Variants in GLDC observed in about 807,000 individuals in gnomAD.
The protein encoded by GLDC is glycine decarboxylase.
Under a neutral mutation model 121.3 loss-of-function variants are expected in GLDC, and 104 were observed. The observed-to-expected ratio is 0.86, with a 90% CI of 0.73 to 1.01. GLDC has a LOEUF of 1.01. GLDC is among the 50% of genes least tolerant of loss of function. The pLI is 0.00. For synonymous variants in GLDC, 546 were observed against 480.6 expected (o/e 1.14, Z -1.78); for missense variants, 1,429 against 1,306.6 (o/e 1.09, Z -1.44).
chr9:6,612,068 T>G (rs538354759), intron 3 of GLDC, among the ~76,000 whole-genome samples: 1 of 152,228 alleles, frequency 6.6e-6, no homozygotes, highest in South Asian at 2.1e-4. Flanking sequence ...CTACACCATG[T>G]ATTGTGTGCC....
At chr9:6,600,012 G>A (rs942624714) in intron 8 of GLDC, among the ~76,000 whole-genome samples, 1 of 152,146 alleles carries the variant, frequency 6.6e-6, no homozygotes, top group African/African-American at 2.4e-5. Flanking sequence ...TGAGACGAAA[G>A]AGCACTCTAC....
At chr9:6,642,335 G>C (rs1819645973) in intron 2 of GLDC, among the ~76,000 whole-genome samples, 1 of 152,088 alleles carries the variant, frequency 6.6e-6, no homozygotes, top group African/African-American at 2.4e-5. Flanking sequence ...TTCAAGACCA[G>C]CCTGGCCAAC....
At chr9:6,640,419 G>A (rs1319777335) in intron 2 of GLDC, among the ~76,000 whole-genome samples, 1 of 152,258 alleles carries the variant, frequency 6.6e-6, no homozygotes, top group African/African-American at 2.4e-5. Flanking sequence ...CCACGGCCTA[G>A]TTGCCCCTGG....
At chr9:6,592,718 C>CGTTA (rs1375425399) in intron 10 of GLDC, 133 bp downstream of exon 10, 5 of 792,428 alleles carry the variant, frequency 6.3e-6, no homozygotes, top group Non-Finnish European at 1.0e-5. Flanking sequence ...ATGTAAATAA[C>CGTTA]ACTTGTTTAT....
intron 4 of GLDC, among the ~76,000 whole-genome samples, chr9:6,608,525 G>C (rs1285073545): frequency 6.7e-6 from 1 of 149,944 alleles, no homozygotes; most frequent in East Asian, 2.0e-4. Context: ...CGGATCATGA[G>C]GTCAGGAGAT....
chr9:6,644,286 C>G (rs895576825), intron 2 of GLDC, among the ~76,000 whole-genome samples: 2 of 151,842 alleles, frequency 1.3e-5, no homozygotes, highest in African/African-American at 4.8e-5. Flanking sequence ...TGACACCTCT[C>G]AACCCAAAGT....
At chr9:6,565,865 T>C (rs757405724) in intron 15 of GLDC, 8 of 306,674 alleles carry the variant, frequency 2.6e-5, no homozygotes, top group Middle Eastern at 1.0e-3. Context: ...TGCTGAACTA[T>C]ATATTTTGAA....
chr9:6,614,589 A>G (rs1563862163), intron 3 of GLDC, among the ~76,000 whole-genome samples: 1 of 144,712 alleles, frequency 6.9e-6, no homozygotes, highest in East Asian at 2.0e-4. Flanking sequence ...GGGTTTCACT[A>G]TGTTGTCCAG....
chr9:6,575,020 AGAGAGTT>A (rs372289100), intron 15 of GLDC, among the ~76,000 whole-genome samples: 237 of 152,246 alleles, frequency 1.6e-3, no homozygotes, highest in African/African-American at 5.2e-3. Flanking sequence ...CATTAGAATT[AGAGAGTT>A]TTTTGCTTAA....
Position 6,565,934 on chromosome 9 carries a change from G to A in GLDC, c.1851-505C>T, listed in dbSNP as rs1219791436. ...GTCAATATGCAGCCTTCAAAGATAA[G>A]TATTGTTTTTAAAAATATAACTACA... On this transcript the variant is annotated intron_variant, in intron 15 of 24. Coordinates refer to ENST00000321612, the MANE Select transcript of GLDC (RefSeq NM_000170.3). The A allele has an allele frequency of 2.9e-5, 6 of 208,830 alleles. No individual in the cohort carries two copies. In the Admixed American group the frequency reaches 3.2e-4, roughly 11 times the overall value. 12.9% of individuals were successfully genotyped at this position (208,830 alleles called of 1,614,324 possible).
chr9:6,620,570 C>G (rs184906131), intron 2 of GLDC, among the ~76,000 whole-genome samples: 79 of 151,636 alleles, frequency 5.2e-4, no homozygotes, highest in African/African-American at 1.8e-3. Context: ...TTATTCGGTT[C>G]TGTTTGCTAG....
chr9:6,613,811 C>G (rs1047554479), intron 3 of GLDC, among the ~76,000 whole-genome samples: 2 of 152,028 alleles, frequency 1.3e-5, no homozygotes, highest in Non-Finnish European at 2.9e-5. Context: ...GAGTCTTGCT[C>G]TGTCACCCAG....
At chr9:6,556,021 C>A (rs556972811) in intron 18 of GLDC, 132 bp downstream of exon 18, 1 of 689,536 alleles carries the variant, frequency 1.5e-6, no homozygotes, top group Non-Finnish European at 2.5e-6. Context: ...GAGAGATCAA[C>A]AACCACCAGT....
chr9:6,583,007 G>A (rs959763114), intron 15 of GLDC, among the ~76,000 whole-genome samples: 30 of 152,106 alleles, frequency 2.0e-4, no homozygotes, highest in African/African-American at 6.0e-4. Flanking sequence ...CAAAACCACA[G>A]TGAGATACCA....
chr9:6,641,077 A>T (rs923957531), intron 2 of GLDC, among the ~76,000 whole-genome samples: 4 of 152,176 alleles, frequency 2.6e-5, no homozygotes, highest in African/African-American at 9.7e-5. Context: ...CAGCCAGTTC[A>T]TGATCAAAGT....
At chr9:6,606,704 A>G in intron 4 of GLDC, 35 bp from the exon 5 acceptor site, 1 of 1,142,482 alleles carries the variant, frequency 8.8e-7, no homozygotes, top group Non-Finnish European at 1.3e-6. Flanking sequence ...CAACGTGAAC[A>G]TTAAATAAAT....
rs1042805182 is a variant in GLDC at position 6,592,280 on chromosome 9, G to GAATC, written c.1402-61_1402-58dup. ...AACTCTAAACTCCACATCACTGGAG[G>GAATC]AATCCCAAGAGAGGTCAAAGGGGAG... On this transcript the variant is annotated intron_variant, in intron 10 of 24. Coordinates refer to ENST00000321612, the MANE Select transcript of GLDC (RefSeq NM_000170.3). 9.4e-5 allele frequency: 100 copies of GAATC among 1,068,092 alleles called. No individual in the cohort carries two copies. In the African/African-American group the frequency reaches 1.3e-3, roughly 14 times the overall value. 66.2% of individuals were successfully genotyped at this position (1,068,092 alleles called of 1,614,324 possible).
chr9:6,604,192 C>T (rs938653204), intron 7 of GLDC, among the ~76,000 whole-genome samples: 6 of 152,138 alleles, frequency 3.9e-5, no homozygotes, highest in African/African-American at 1.2e-4. Flanking sequence ...TAGGAAGGAA[C>T]GCGGAGCAAA....
chr9:6,599,178 C>A (rs1311308437), intron 8 of GLDC, among the ~76,000 whole-genome samples: 2 of 150,116 alleles, frequency 1.3e-5, no homozygotes, highest in African/African-American at 2.5e-5. Context: ...GAGAAAGACT[C>A]CGTCTCAAAA....
Sources: allele counts gnomAD v4.1 joint callset (sites outside exome capture counted in the v4.1 genomes callset), GRCh38; gene constraint gnomAD v4.1.1; transcripts MANE v1.5; gene names NCBI Gene and HGNC (gene_info 2026-07-23, HGNC 2026-07-21).